The following NKAIN2 variants were observed in gnomAD, a reference collection of about 807,000 sequenced individuals.
NKAIN2 encodes the protein sodium/potassium-transporting ATPase subunit beta-1-interacting protein 2.
NKAIN2 carries 14 observed loss-of-function variants against 32.6 expected under a neutral mutation model. That is an observed-to-expected ratio of 0.43 (90% confidence interval 0.28 to 0.67). The LOEUF (loss-of-function observed/expected upper bound fraction) is 0.67. NKAIN2 is among the 30% of genes least tolerant of loss of function. NKAIN2 has a pLI of 0.17. For synonymous variants in NKAIN2, 80 were observed against 87.2 expected (o/e 0.92, Z 0.46); for missense variants, 198 against 258.3 (o/e 0.77, Z 1.60).
chr6:124,668,925 T>G (rs545174416), intron 4 of NKAIN2, among the ~76,000 whole-genome samples: 13 of 152,258 alleles, frequency 8.5e-5, no homozygotes, highest in Non-Finnish European at 1.5e-5. Context: ...GGGATCTGAA[T>G]TGATATGACA....
chr6:124,703,176 C>T (rs1405854702), intron 4 of NKAIN2, among the ~76,000 whole-genome samples: 1 of 151,854 alleles, frequency 6.6e-6, no homozygotes, highest in African/African-American at 2.4e-5. Flanking sequence ...CAATCTGGAA[C>T]AAACCAATGA....
intron 1 of NKAIN2, among the ~76,000 whole-genome samples, chr6:124,046,928 A>G (rs1251837213): frequency 1.3e-5 from 2 of 152,036 alleles, no homozygotes; most frequent in Non-Finnish European, 2.9e-5. Context: ...AAAATGGTCT[A>G]CAATTTGACT....
In NKAIN2 at chr6:123,964,813, T is replaced by C. The variant is rs1398689012; in HGVS notation, c.54+160559T>C. Among the ~76,000 whole-genome samples the C allele has an allele frequency of 6.6e-6, 1 of 152,080 alleles. No homozygotes were observed. The highest frequency in any genetic ancestry group is 2.4e-5 in the African/African-American group (1 of 41,428). The stretch of plus-strand genomic sequence containing the variant: ...AGCCTTGCATCCATTTCTTACCTCA[T>C]GATTCGAGCTAAGCATGTTTCCTGG... On this transcript the variant is annotated intron_variant, in intron 1 of 6. Coordinates refer to ENST00000368417, the MANE Select transcript of NKAIN2 (RefSeq NM_001040214.3). The surrounding 1 kb of genome is among the most constrained non-coding windows in gnomAD (Gnocchi z 4.0).
chr6:124,163,416 C>T (rs1788375253), intron 1 of NKAIN2, among the ~76,000 whole-genome samples: 1 of 151,866 alleles, frequency 6.6e-6, no homozygotes, highest in Admixed American at 6.6e-5. Flanking sequence ...TTTTTTGTTT[C>T]CTATACAATA....
chr6:124,219,666 T>C (rs1791703603), intron 1 of NKAIN2, among the ~76,000 whole-genome samples: 1 of 151,998 alleles, frequency 6.6e-6, no homozygotes, highest in Admixed American at 6.6e-5. Context: ...TCATAAGAAA[T>C]ACTATGTTAA....
At chr6:124,522,830 G>GT (rs1348583088) in intron 3 of NKAIN2, among the ~76,000 whole-genome samples, 1 of 151,986 alleles carries the variant, frequency 6.6e-6, no homozygotes, top group Non-Finnish European at 1.5e-5. Context: ...GTTTTATGAG[G>GT]TTTTTTTGTA....
chr6:124,610,807 G>C (rs747127131), intron 3 of NKAIN2, among the ~76,000 whole-genome samples: 2 of 152,072 alleles, frequency 1.3e-5, no homozygotes, highest in East Asian at 3.8e-4. Flanking sequence ...ATTTTAAGTG[G>C]CACTTCTGAT....
chr6:124,415,188 A>G (rs949129004), intron 3 of NKAIN2, among the ~76,000 whole-genome samples: 1 of 152,288 alleles, frequency 6.6e-6, no homozygotes, highest in South Asian at 2.1e-4. Flanking sequence ...TCTCAGTCTC[A>G]TAAGACTGCC....
chr6:124,123,137 C>T (rs1419075206), intron 1 of NKAIN2, among the ~76,000 whole-genome samples: 1 of 151,746 alleles, frequency 6.6e-6, no homozygotes, highest in Admixed American at 6.6e-5. Context: ...ACTGGATTGC[C>T]GAGGTACCTG....
At chr6:123,834,750 G>A (rs1774541731) in intron 1 of NKAIN2, among the ~76,000 whole-genome samples, 2 of 152,062 alleles carry the variant, frequency 1.3e-5, no homozygotes, top group African/African-American at 4.8e-5. Flanking sequence ...ACTATACCTA[G>A]TTTACTGAGA....
intron 1 of NKAIN2, among the ~76,000 whole-genome samples, chr6:124,019,471 T>G (rs1780762257): frequency 6.6e-6 from 1 of 152,164 alleles, no homozygotes; most frequent in Non-Finnish European, 1.5e-5. Context: ...TTTACTTGCT[T>G]TAAGGGTCTT....
rs190874618 is a variant in NKAIN2 at position 124,615,324 on chromosome 6, G to A, written c.274-42862G>A. On this transcript the variant is annotated intron_variant, in intron 3 of 6. Coordinates refer to ENST00000368417, the MANE Select transcript of NKAIN2 (RefSeq NM_001040214.3). The stretch of plus-strand genomic sequence containing the variant: ...AAAAATTTCAGCTACTGAGCAAAGC[G>A]CAATATTTGATTTGTAGTTTGATGC... Among the ~76,000 whole-genome samples the A allele has an allele frequency of 3.8e-4, 58 of 152,212 alleles. No individual in the cohort carries two copies. In the East Asian group the frequency reaches 8.3e-3, roughly 22 times the overall value.
At chr6:124,096,259 G>A (rs1035185623) in intron 1 of NKAIN2, among the ~76,000 whole-genome samples, 3 of 152,152 alleles carry the variant, frequency 2.0e-5, no homozygotes, top group Non-Finnish European at 4.4e-5. Context: ...AATTGTTAAA[G>A]AATAGCCATT....
chr6:124,345,058 G>C (rs1252413496), intron 2 of NKAIN2, among the ~76,000 whole-genome samples: 2 of 152,114 alleles, frequency 1.3e-5, no homozygotes, highest in Non-Finnish European at 2.9e-5. Flanking sequence ...GTTGAATTTT[G>C]TCAAAGGCCT....
intron 3 of NKAIN2, among the ~76,000 whole-genome samples, chr6:124,585,322 G>A (rs565816311): frequency 1.3e-5 from 2 of 152,172 alleles, no homozygotes; most frequent in East Asian, 3.9e-4. Flanking sequence ...AAGGTAGCTG[G>A]GGGGAGAGGG....
intron 3 of NKAIN2, among the ~76,000 whole-genome samples, chr6:124,358,845 C>T (rs999633360): frequency 2.6e-5 from 4 of 151,102 alleles, no homozygotes; most frequent in African/African-American, 9.7e-5. Context: ...GAAGTCCTTG[C>T]CCATGCCTAT....
At chr6:124,004,126 A>G (rs1294509995) in intron 1 of NKAIN2, among the ~76,000 whole-genome samples, 1 of 152,176 alleles carries the variant, frequency 6.6e-6, no homozygotes. Flanking sequence ...TGATTTTCCA[A>G]ACTTGGATAT....
chr6:123,848,333 G>A (rs117684811), intron 1 of NKAIN2, among the ~76,000 whole-genome samples: 1 of 152,154 alleles, frequency 6.6e-6, no homozygotes, highest in Non-Finnish European at 1.5e-5. Flanking sequence ...ATATGGTTTA[G>A]CTGTGTCCCC....
At chr6:124,471,582 A>T (rs1039174036) in intron 3 of NKAIN2, among the ~76,000 whole-genome samples, 1 of 152,162 alleles carries the variant, frequency 6.6e-6, no homozygotes, top group Admixed American at 6.5e-5. Context: ...TGGAAAATAC[A>T]TTAAGTACTG....
Sources: allele counts gnomAD v4.1 joint callset (sites outside exome capture counted in the v4.1 genomes callset), GRCh38; gene constraint gnomAD v4.1.1; non-coding constraint Gnocchi (gnomAD v3.1); transcripts MANE v1.5; gene names NCBI Gene and HGNC (gene_info 2026-07-23, HGNC 2026-07-21).